DMXL2: variants seen among roughly 807,000 people sequenced by gnomAD.
The protein encoded by DMXL2 is Dmx like 2.
DMXL2 carries 103 observed loss-of-function variants against 331.1 expected under a neutral mutation model. That is an observed-to-expected ratio of 0.31 (90% CI 0.27 to 0.37). The LOEUF (loss-of-function observed/expected upper bound fraction) is 0.37, where lower values mean the gene tolerates loss of function less well. DMXL2 is among the 10% of genes least tolerant of loss of function. The pLI is 1.00. For synonymous variants in DMXL2, 1,281 were observed against 1,252.1 expected (o/e 1.02, Z -0.49); for missense variants, 3,171 against 3,642.9 (o/e 0.87, Z 3.33).
intron 13 of DMXL2, among the ~76,000 whole-genome samples, chr15:51,519,283 A>AT (rs1016603316): frequency 3.6e-4 from 55 of 151,708 alleles, no homozygotes; most frequent in African/African-American, 1.3e-3. Context: ...TGCCTGACAA[A>AT]TTTTTTAATT....
At chr15:51,598,813 T>C (rs1178622580) in intron 1 of DMXL2, among the ~76,000 whole-genome samples, 1 of 152,226 alleles carries the variant, frequency 6.6e-6, no homozygotes, top group Non-Finnish European at 1.5e-5. Context: ...ATGCAGATAG[T>C]ATCTTCCAGG....
intron 13 of DMXL2, among the ~76,000 whole-genome samples, chr15:51,522,732 C>G (rs1258781917): frequency 6.6e-6 from 1 of 152,148 alleles, no homozygotes; most frequent in Non-Finnish European, 1.5e-5. Flanking sequence ...TCAACATGTC[C>G]CAAATTTAAC....
At chr15:51,612,666 G>C (rs2054052064) in intron 1 of DMXL2, among the ~76,000 whole-genome samples, 1 of 152,162 alleles carries the variant, frequency 6.6e-6, no homozygotes, top group Non-Finnish European at 1.5e-5. Flanking sequence ...GACAAATGGA[G>C]GCAGGGCAAG....
At chr15:51,613,991 C>T (rs1339629964) in intron 1 of DMXL2, among the ~76,000 whole-genome samples, 3 of 152,100 alleles carry the variant, frequency 2.0e-5, no homozygotes, top group Non-Finnish European at 2.9e-5. Context: ...TTGTGTAACC[C>T]CAAAATTCAT....
chr15:51,598,396 G>C (rs566702691), intron 1 of DMXL2, among the ~76,000 whole-genome samples: 1 of 152,116 alleles, frequency 6.6e-6, no homozygotes, highest in African/African-American at 2.4e-5. Flanking sequence ...CCTTAAAAAT[G>C]TCTTATATGA....
chr15:51,521,008 A>G (rs2047328816), intron 13 of DMXL2, among the ~76,000 whole-genome samples: 1 of 152,178 alleles, frequency 6.6e-6, no homozygotes, highest in Non-Finnish European at 1.5e-5. Context: ...GATTTTTAGC[A>G]AAATTGCTTC....
At position 51,474,463 on chromosome 15, in the gene DMXL2, G is replaced by T; in HGVS notation, c.7094C>A (p.Ser2365Tyr). 6.2e-7 allele frequency: 1 copy of T among 1,614,128 alleles called. No homozygotes were observed. Among genetic ancestry groups the T allele is most frequent in the Non-Finnish European group, 8.5e-7 (1 of 1,180,002 alleles). ...TGCAAGCCGAAATAATTCACTGGAG[G>T]AATTTGTGGCAAGAGCATGTATCAA... is the stretch of plus-strand genomic sequence containing the variant. ...SLLIHALATN[S>Y]SSELFRLAAH... The change falls in exon 28 of 44, where the codon TCC becomes TAC. Residue 2365 changes from serine to tyrosine, a missense_variant. Physicochemically the swap from Ser to Tyr is moderately radical, Grantham distance 144. This residue lies in a region of DMXL2 where 766 missense variants were observed against 940.5 expected (regional missense o/e 0.81). Transcript: ENST00000560891.
chr15:51,457,172 C>T (rs1341136238), intron 37 of DMXL2, 156 bp downstream of exon 37: 10 of 842,092 alleles, frequency 1.2e-5, no homozygotes, highest in Non-Finnish European at 1.6e-5. Flanking sequence ...ACCCTGTCAC[C>T]AAATAAAAAA....
At chr15:51,609,524 C>T (rs914309581) in intron 1 of DMXL2, among the ~76,000 whole-genome samples, 2 of 152,180 alleles carry the variant, frequency 1.3e-5, no homozygotes, top group African/African-American at 4.8e-5. Flanking sequence ...TACACAAATA[C>T]CAATGCAGTA....
intron 1 of DMXL2, among the ~76,000 whole-genome samples, chr15:51,604,412 A>G (rs2141343359): frequency 6.6e-6 from 1 of 152,074 alleles, no homozygotes; most frequent in South Asian, 2.1e-4. Context: ...AAAAAAAAAA[A>G]AGAAGCCTAG....
intron 1 of DMXL2, among the ~76,000 whole-genome samples, chr15:51,596,951 T>C (rs1235001550): frequency 3.9e-5 from 6 of 152,070 alleles, no homozygotes; most frequent in South Asian, 2.1e-4. Context: ...GGGATAGCAT[T>C]AGGAGATATA....
intron 23 of DMXL2, 28 bp downstream of exon 23, chr15:51,486,045 A>G: frequency 6.5e-7 from 1 of 1,535,510 alleles, no homozygotes; most frequent in Non-Finnish European, 8.8e-7. Context: ...TTAAAAAAGA[A>G]AAAAAAGAAA....
At chr15:51,593,837 G>T (rs1301327071) in intron 1 of DMXL2, among the ~76,000 whole-genome samples, 1 of 152,128 alleles carries the variant, frequency 6.6e-6, no homozygotes, top group Non-Finnish European at 1.5e-5. Flanking sequence ...ACGAAATGAA[G>T]GCAGAAATAA....
Position 51,507,289 on chromosome 15 carries a change from T to C in DMXL2, c.2645-36A>G, listed in dbSNP as rs764658361. On this transcript the variant is annotated intron_variant, in intron 15 of 43. Coordinates refer to ENST00000560891, the MANE Select transcript of DMXL2 (RefSeq NM_001378457.1). The stretch of plus-strand genomic sequence containing the variant: ...AAGGAAAAGGATATTTAAATTAGTA[T>C]GTTTTTATGGGGTTAAAAAAACACT... The C allele has an allele frequency of 3.8e-6, 6 of 1,579,070 alleles. No homozygotes were observed. The Admixed American group carries it at 7.3e-5, about 19-fold the overall frequency.
At chr15:51,477,256 C>A (rs866258894) in intron 26 of DMXL2, among the ~76,000 whole-genome samples, 1 of 151,986 alleles carries the variant, frequency 6.6e-6, no homozygotes, top group Non-Finnish European at 1.5e-5. Flanking sequence ...TAATGGCTAT[C>A]TTTGTGAAGT....
At chr15:51,473,114 T>C (rs1327552646) in intron 28 of DMXL2, among the ~76,000 whole-genome samples, 4 of 152,220 alleles carry the variant, frequency 2.6e-5, no homozygotes, top group Non-Finnish European at 5.9e-5. Context: ...GATATCCACA[T>C]GGTGTGATTC....
chr15:51,591,124 C>T (rs74787207), intron 1 of DMXL2, among the ~76,000 whole-genome samples: 1 of 152,202 alleles, frequency 6.6e-6, no homozygotes, highest in Admixed American at 6.5e-5. Context: ...TGAACCGAAG[C>T]AGGGCGAGGC....
chr15:51,517,674 C>T (rs1016858379), intron 13 of DMXL2, among the ~76,000 whole-genome samples: 1 of 152,212 alleles, frequency 6.6e-6, no homozygotes, highest in Non-Finnish European at 1.5e-5. Flanking sequence ...CCAGCTTTCT[C>T]TTGCATAAAA....
chr15:51,533,475 T>C (rs1170460666), intron 13 of DMXL2, among the ~76,000 whole-genome samples: 1 of 152,066 alleles, frequency 6.6e-6, no homozygotes, highest in Non-Finnish European at 1.5e-5. Flanking sequence ...CCCCAAATCA[T>C]GGAGAATGAC....
Sources: gnomAD v4.1 joint callset for allele counts (sites outside exome capture counted in the v4.1 genomes callset) on GRCh38, gnomAD v4.1.1 for gene constraint, gnomAD v4.1.1 regional missense constraint, MANE v1.5 for transcripts, NCBI Gene and HGNC (gene_info 2026-07-23, HGNC 2026-07-21) for gene names.